The following XPNPEP3 variants were observed in gnomAD, a reference collection of about 807,000 sequenced individuals.
The protein encoded by XPNPEP3 is X-prolyl aminopeptidase 3, also known as xaa-Pro aminopeptidase 3.
A neutral mutation model predicts 60.0 loss-of-function variants in XPNPEP3; 41 were observed. The observed-to-expected ratio is 0.68, with a 90% CI of 0.53 to 0.89. XPNPEP3 has a LOEUF of 0.89. Among genes scored for constraint, XPNPEP3 ranks in the 40% least tolerant of loss-of-function variants. XPNPEP3 has a pLI of 0.00. For missense variants in XPNPEP3, 598 were observed against 638.9 expected, an observed-to-expected ratio of 0.94 and a Z score of 0.69; for synonymous variants, 212 against 223.2, an observed-to-expected ratio of 0.95 and a Z score of 0.45.
intron 2 of XPNPEP3, among the ~76,000 whole-genome samples, chr22:40,880,606 T>G (rs1260798102): frequency 6.6e-6 from 1 of 151,706 alleles, no homozygotes; most frequent in African/African-American, 2.4e-5. Context: ...AATAATTCAG[T>G]ATTACATTTA....
At chr22:40,879,453 C>T (rs1398258472) in intron 2 of XPNPEP3, among the ~76,000 whole-genome samples, 1 of 152,172 alleles carries the variant, frequency 6.6e-6, no homozygotes, top group Non-Finnish European at 1.5e-5. Flanking sequence ...CACCTGTAAA[C>T]CCAACACTTT....
intron 2 of XPNPEP3, among the ~76,000 whole-genome samples, chr22:40,871,344 C>A (rs944587227): frequency 6.6e-6 from 1 of 152,146 alleles, no homozygotes; most frequent in South Asian, 2.1e-4. Flanking sequence ...CAGAATGAGA[C>A]CGTGTCTCTC....
intron 1 of XPNPEP3, chr22:40,862,874 A>G (rs1429194582): frequency 2.0e-5 from 7 of 350,882 alleles, no homozygotes; most frequent in Non-Finnish European, 2.8e-5. Flanking sequence ...TGGTGCTTGC[A>G]TTATAATAGA....
intron 7 of XPNPEP3, among the ~76,000 whole-genome samples, chr22:40,921,724 A>G (rs893038194): frequency 1.3e-5 from 2 of 152,198 alleles, no homozygotes; most frequent in African/African-American, 4.8e-5. Context: ...GAGTAGAATT[A>G]TAAGCTCTAG....
At chr22:40,890,054 C>G (rs996681931) in intron 4 of XPNPEP3, among the ~76,000 whole-genome samples, 2 of 152,134 alleles carry the variant, frequency 1.3e-5, no homozygotes, top group African/African-American at 4.8e-5. Context: ...ATTCATCAAG[C>G]CAATTCTCCT....
chr22:40,857,607 G>A (rs2057909696), intron 1 of XPNPEP3, among the ~76,000 whole-genome samples: 1 of 152,272 alleles, frequency 6.6e-6, no homozygotes, highest in Non-Finnish European at 1.5e-5. Flanking sequence ...GCTTGCTCCA[G>A]AATATACACG....
chr22:40,889,479 G>A (rs1190900411), intron 4 of XPNPEP3, among the ~76,000 whole-genome samples: 1 of 152,192 alleles, frequency 6.6e-6, no homozygotes, highest in Non-Finnish European at 1.5e-5. Flanking sequence ...TGATAAAACA[G>A]TAATCCTGAG....
At chr22:40,859,515 ACT>A (rs2057928358) in intron 1 of XPNPEP3, 1 of 151,872 alleles carries the variant, frequency 6.6e-6, no homozygotes, top group African/African-American at 2.4e-5. Flanking sequence ...TAACAGATAA[ACT>A]CTACTAAATA....
intron 3 of XPNPEP3, among the ~76,000 whole-genome samples, chr22:40,884,277 T>C (rs2058059669): frequency 6.6e-6 from 1 of 152,128 alleles, no homozygotes; most frequent in Non-Finnish European, 1.5e-5. Flanking sequence ...ATTAATTCAG[T>C]ATAGTTACAA....
intron 1 of XPNPEP3, among the ~76,000 whole-genome samples, chr22:40,866,417 C>G (rs908221425): frequency 6.6e-6 from 1 of 151,852 alleles, no homozygotes; most frequent in Non-Finnish European, 1.5e-5. Flanking sequence ...AAGTCTCTTG[C>G]GTAAGTGATG....
At chr22:40,879,388 A>T (rs2058039081) in intron 2 of XPNPEP3, among the ~76,000 whole-genome samples, 1 of 152,208 alleles carries the variant, frequency 6.6e-6, no homozygotes, top group Non-Finnish European at 1.5e-5. Context: ...TTTGCTGGTG[A>T]GATAAACTAT....
At chr22:40,903,836 A>G (rs2146267000) in intron 4 of XPNPEP3, among the ~76,000 whole-genome samples, 1 of 150,700 alleles carries the variant, frequency 6.6e-6, no homozygotes, top group East Asian at 2.0e-4. Flanking sequence ...GATCCATGGG[A>G]CAATGTTAAG....
intron 4 of XPNPEP3, among the ~76,000 whole-genome samples, chr22:40,888,992 T>C (rs1013780848): frequency 9.8e-5 from 15 of 152,300 alleles, no homozygotes; most frequent in African/African-American, 2.9e-4. Context: ...TTTATGTGCT[T>C]CCTGCCTTCC....
At chr22:40,903,723 C>T (rs1255151893) in intron 4 of XPNPEP3, among the ~76,000 whole-genome samples, 4 of 152,014 alleles carry the variant, frequency 2.6e-5, no homozygotes, top group Non-Finnish European at 5.9e-5. Flanking sequence ...CTCCTCACCT[C>T]GTTATCTACC....
rs760987212 is a variant in XPNPEP3 at position 40,882,087 on chromosome 22, C to T, written c.499C>T (p.Arg167Ter). 8 of 1,613,928 alleles carry T rather than the reference C, an allele frequency of 5.0e-6. No individual in the cohort carries two copies. Among genetic ancestry groups the T allele is most frequent in the African/African-American group, 2.7e-5 (2 of 74,904 alleles). The change falls in exon 3 of 10, where the codon CGA becomes TGA. Residue 167 changes from arginine to a stop codon, truncating the protein, a stop_gained. Coordinates refer to ENST00000357137, the MANE Select transcript of XPNPEP3 (RefSeq NM_022098.4). LOFTEE classifies it high-confidence loss of function. ...CAGTCGAGAACTTTGGGATGGTCCGCGATCTGGCACTGATGGAGCAATAGC... is the reference window on the plus strand; with the variant it reads ...CAGTCGAGAACTTTGGGATGGTCCGTGATCTGGCACTGATGGAGCAATAGC... The part of the protein sequence containing the change: ...DPSRELWDGP[R>*]SGTDGAIALT...
intron 7 of XPNPEP3, among the ~76,000 whole-genome samples, chr22:40,920,182 A>G (rs1388294825): frequency 6.6e-6 from 1 of 152,154 alleles, no homozygotes; most frequent in African/African-American, 2.4e-5. Context: ...AGCCTGGCCA[A>G]CATGGCAGAA....
rs1170754227 is a variant in XPNPEP3 at position 40,928,623 on chromosome 22, G to A, written c.*2188G>A. The A allele has an allele frequency of 1.3e-5, 2 of 152,176 alleles. No homozygotes were observed. Among genetic ancestry groups the A allele is most frequent in the Non-Finnish European group, 2.9e-5 (2 of 68,032 alleles). 9.4% of individuals were successfully genotyped at this position (152,176 alleles called of 1,614,324 possible). ...CTTATTTAGGAGCGTCTGTGATAGAGGGAAGCTTTAAGAACCAGTGTGTTC... is the reference window on the plus strand; with the variant it reads ...CTTATTTAGGAGCGTCTGTGATAGAAGGAAGCTTTAAGAACCAGTGTGTTC... On this transcript the variant is annotated 3_prime_UTR_variant, in exon 10 of 10. Coordinates refer to ENST00000357137, the MANE Select transcript of XPNPEP3 (RefSeq NM_022098.4).
intron 4 of XPNPEP3, among the ~76,000 whole-genome samples, chr22:40,905,414 A>T (rs533418712): frequency 2.6e-5 from 4 of 152,176 alleles, no homozygotes; most frequent in Non-Finnish European, 5.9e-5. Flanking sequence ...TATCCAGCAG[A>T]TATTTACTGA....
chr22:40,881,282 C>G (rs2058047112), intron 2 of XPNPEP3, among the ~76,000 whole-genome samples: 1 of 151,994 alleles, frequency 6.6e-6, no homozygotes, highest in African/African-American at 2.4e-5. Flanking sequence ...CTCCTGACCT[C>G]AGGTGATCTG....
Sources: gnomAD v4.1 joint callset for allele counts (sites outside exome capture counted in the v4.1 genomes callset) on GRCh38, gnomAD v4.1.1 for gene constraint, MANE v1.5 for transcripts, NCBI Gene and HGNC (gene_info 2026-07-23, HGNC 2026-07-21) for gene names.